Variants in USP22 observed in about 807,000 individuals in gnomAD.
The protein encoded by USP22 is ubiquitin specific peptidase 22, also known as ubiquitin carboxyl-terminal hydrolase 22.
Under a neutral mutation model 68.1 loss-of-function variants are expected in USP22, and 22 were observed. The observed-to-expected ratio is 0.32, with a 90% CI of 0.23 to 0.46. The LOEUF (loss-of-function observed/expected upper bound fraction) is 0.46. Among genes scored for constraint, USP22 ranks in the 20% least tolerant of loss-of-function variants. The pLI is 1.00. For missense variants in USP22, 433 were observed against 695.8 expected (o/e 0.62, Z 4.25); for synonymous variants, 279 against 274.2 (o/e 1.02, Z -0.17).
chr17:21,027,157 G>C (rs1046777770), intron 2 of USP22, among the ~76,000 whole-genome samples: 1 of 151,408 alleles, frequency 6.6e-6, no homozygotes, highest in Non-Finnish European at 1.5e-5. Context: ...TCCAGGTGTC[G>C]TGGTGTGTGC....
In USP22 at chr17:21,034,428, C is replaced by T. The variant is rs575471328; in HGVS notation, c.172-5754G>A. ...AAATATAAAATATCACAGCAGTCCT[C>T]CCTTACCTACAGTTCCGCTTGCTGT... On this transcript the variant is annotated intron_variant, in intron 1 of 12. Coordinates refer to ENST00000261497, the MANE Select transcript of USP22 (RefSeq NM_015276.2). 2.0e-5 allele frequency among the ~76,000 whole-genome samples: 3 copies of T among 152,334 alleles called. No individual in the cohort carries two copies. The East Asian group carries it at 5.8e-4, about 29-fold the overall frequency.
intron 1 of USP22, among the ~76,000 whole-genome samples, chr17:21,038,382 T>C (rs1226599276): frequency 6.6e-6 from 1 of 151,848 alleles, no homozygotes; most frequent in Non-Finnish European, 1.5e-5. Context: ...TGAGGCATTG[T>C]TGGATGGCTG....
At chr17:21,029,060 G>A (rs555899864) in intron 1 of USP22, among the ~76,000 whole-genome samples, 1 of 149,612 alleles carries the variant, frequency 6.7e-6, no homozygotes, top group Non-Finnish European at 1.5e-5. Context: ...GCAAATCCAG[G>A]TTCCAGGACC....
chr17:21,042,640 CCGCGCGGTGGGCTGCCGGG>C lies in USP22; in HGVS notation c.171+6_171+24del, dbSNP rs1333037376. On this transcript the variant is annotated splice_donor_region_variant and intron_variant, in intron 1 of 12. Coordinates refer to ENST00000261497, the MANE Select transcript of USP22 (RefSeq NM_015276.2). Reference sequence around the variant, plus strand: ...GGAGCGGCAGAAGGCCCCGAGCCCGCCGCGCGGTGGGCTGCCGGGCGCACCTTGCGCTTGCGGGCCTCAG... The same window carrying C: ...GGAGCGGCAGAAGGCCCCGAGCCCGCCGCACCTTGCGCTTGCGGGCCTCAG... 2 of 1,260,074 alleles carry C rather than the reference CCGCGCGGTGGGCTGCCGGG, an allele frequency of 1.6e-6. No homozygotes were observed. Among genetic ancestry groups the C allele is most frequent in the African/African-American group, 3.1e-5 (2 of 64,708 alleles). The allele number at this position is 1,260,074 out of a possible 1,614,324, so 78.1% of individuals were successfully genotyped here.
In USP22 at chr17:21,033,531, T is replaced by C. The variant is rs79198815; in HGVS notation, c.172-4857A>G. ...CCCTTGTAGTCAACCAGACTTACCC[T>C]ATGGGATGACTCAACAGTACACTGA... On this transcript the variant is annotated intron_variant, in intron 1 of 12. Transcript: ENST00000261497. Among the ~76,000 whole-genome samples, 1,130 of 152,192 alleles carry C rather than the reference T, an allele frequency of 7.4e-3. 9 individuals carry two copies. Among genetic ancestry groups the C allele is most frequent in the Non-Finnish European group, 0.013 (876 of 68,010 alleles).
At chr17:21,035,570 C>A (rs1972343183) in intron 1 of USP22, among the ~76,000 whole-genome samples, 1 of 150,582 alleles carries the variant, frequency 6.6e-6, no homozygotes, top group African/African-American at 2.4e-5. Flanking sequence ...ATGCAAACAG[C>A]AAAATCCAGA....
At chr17:21,018,445 G>T in intron 4 of USP22, 2 of 191,174 alleles carry the variant, frequency 1.0e-5, no homozygotes, top group Non-Finnish European at 2.2e-5. Flanking sequence ...GGCCAGGGCA[G>T]GGGCTCATAC....
chr17:21,005,180 C>T (rs1016387000), intron 10 of USP22, 190 bp from the exon 11 acceptor site: 26 of 681,624 alleles, frequency 3.8e-5, no homozygotes, highest in Non-Finnish European at 5.8e-5. Flanking sequence ...AGGCCCCTGC[C>T]TCAGAGCACA....
upstream of USP22, chr17:21,043,133 C>CCCCCCCCCCCCCCCCCCCA (rs1356692271): frequency 1.4e-5 from 1 of 71,144 alleles, no homozygotes; most frequent in Admixed American, 1.1e-4. Context: ...ACCCCCCCCC[C>CCCCCCCCCCCCCCCCCCCA]CCCTCCCGGC....
At chr17:21,011,964 G>A in intron 7 of USP22, among the ~76,000 whole-genome samples, 1 of 152,160 alleles carries the variant, frequency 6.6e-6, no homozygotes, top group East Asian at 1.9e-4. Context: ...TCAGAGACAA[G>A]GCCCCAAACG....
chr17:21,022,260 C>T (rs1409408471), intron 2 of USP22, among the ~76,000 whole-genome samples: 1 of 151,620 alleles, frequency 6.6e-6, no homozygotes, highest in East Asian at 2.0e-4. Context: ...ATTTTCGTGT[C>T]GTTTGAACTT....
chr17:21,013,063 ACTCCT>A lies in USP22; in HGVS notation c.839-133_839-129del, dbSNP rs1205052999. ...ACGCTTTAAAAGGCCATGTGAGGAC[ACTCCT>A]CATTTTAGCAGAGGGTGTCCTTGTT... On this transcript the variant is annotated intron_variant, in intron 6 of 12. Coordinates refer to ENST00000261497, the MANE Select transcript of USP22 (RefSeq NM_015276.2). 1.3e-5 allele frequency: 9 copies of A among 697,500 alleles called. No homozygotes were observed. The Admixed American group carries it at 1.4e-4, about 10-fold the overall frequency. 43.2% of individuals were successfully genotyped at this position (697,500 alleles called of 1,614,324 possible).
In USP22 at chr17:21,042,952, A is replaced by G; in HGVS notation, c.-117T>C. ...GGCTGGCCAAGGCCCGGGCGCCGAG[A>G]ACAAAGCGCGGAGGCCGGACAAAGA... On this transcript the variant is annotated 5_prime_UTR_variant, in exon 1 of 13. Coordinates refer to ENST00000261497, the MANE Select transcript of USP22 (RefSeq NM_015276.2). 1.6e-6 allele frequency: 1 copy of G among 611,260 alleles called. No individual in the cohort carries two copies. Among genetic ancestry groups the G allele is most frequent in the Non-Finnish European group, 2.3e-6 (1 of 435,476 alleles). The allele number at this position is 611,260 out of a possible 1,614,324, so 37.9% of individuals were successfully genotyped here. A position where few individuals can be genotyped will look rare whatever the true frequency, so the allele number is the denominator to read the frequency against.
chr17:21,042,581 G>T, intron 1 of USP22, 84 bp downstream of exon 1: 4 of 1,227,366 alleles, frequency 3.3e-6, no homozygotes, highest in Non-Finnish European at 4.1e-6. Flanking sequence ...AAGGGAAGAG[G>T]GCAGGAAAAG....
rs754094029 is a variant in USP22, at chr17:21,008,004, C to A, written c.1104-8G>T. 6 of 1,610,670 alleles carry A rather than the reference C, an allele frequency of 3.7e-6. No homozygotes were observed. The East Asian group carries it at 1.3e-4, about 36-fold the overall frequency. ...TGCTCTGGTCTGGTGAATCTACAGG[C>A]GTTCAAAAAAGACAGGAGCGGTAAG... On this transcript the variant is annotated splice_region_variant and splice_polypyrimidine_tract_variant and intron_variant, in intron 8 of 12. Transcript: ENST00000261497.
chr17:21,029,229 C>T (rs1236306910), intron 1 of USP22, among the ~76,000 whole-genome samples: 2 of 152,170 alleles, frequency 1.3e-5, no homozygotes, highest in Non-Finnish European at 2.9e-5. Context: ...ACAACCGTTA[C>T]ACCCCCAACC....
chr17:21,013,800 C>T lies in USP22; in HGVS notation c.839-865G>A, dbSNP rs187343961. ...AAGAATGATGAACAGAATGGCCAGG[C>T]GCGGTGGCTCACGCCTGTAATCCCA... On this transcript the variant is annotated intron_variant, in intron 6 of 12. Coordinates refer to ENST00000261497, the MANE Select transcript of USP22 (RefSeq NM_015276.2). Among the ~76,000 whole-genome samples, 1,131 of 152,308 alleles carry T rather than the reference C, an allele frequency of 7.4e-3. 14 individuals are homozygous for T. The highest frequency in any genetic ancestry group is 0.025 in the African/African-American group (1,056 of 41,562).
Position 21,002,866 on chromosome 17 carries a change from C to G in USP22, c.*165G>C. 1.2e-6 allele frequency: 1 copy of G among 813,078 alleles called. No homozygotes were observed. Among genetic ancestry groups the G allele is most frequent in the Non-Finnish European group, 2.0e-6 (1 of 491,268 alleles). 50.4% of individuals were successfully genotyped at this position (813,078 alleles called of 1,614,324 possible). On this transcript the variant is annotated 3_prime_UTR_variant, in exon 13 of 13. Coordinates refer to ENST00000261497, the MANE Select transcript of USP22 (RefSeq NM_015276.2). ...GCCTCCCCGTCCGTGTGGTCCATCC[C>G]GACCCGATGGGTCCCAGGTGCAGAG...
intron 1 of USP22, among the ~76,000 whole-genome samples, chr17:21,032,465 G>A (rs1415696747): frequency 6.6e-6 from 1 of 152,224 alleles, no homozygotes; most frequent in East Asian, 1.9e-4. Flanking sequence ...GAGGAGGCCA[G>A]GAATAGCCTC....
Sources: allele counts gnomAD v4.1 joint callset (sites outside exome capture counted in the v4.1 genomes callset), GRCh38; gene constraint gnomAD v4.1.1; transcripts MANE v1.5; gene names NCBI Gene and HGNC (gene_info 2026-07-23, HGNC 2026-07-21).